Variants in FAM53B observed in about 807,000 individuals in gnomAD.
FAM53B encodes the protein family with sequence similarity 53 member B.
In FAM53B, 12 loss-of-function variants were observed where a neutral mutation model predicts 32.7. The observed-to-expected ratio is 0.37, with a 90% CI of 0.24 to 0.59. The LOEUF is 0.59. Ranked by LOEUF, FAM53B falls within the 20% of genes least tolerant of loss-of-function variation. The pLI is 0.72. For synonymous variants in FAM53B, 234 were observed against 228.7 expected, an observed-to-expected ratio of 1.02 and a Z score of -0.21; for missense variants, 477 against 577.7, an observed-to-expected ratio of 0.83 and a Z score of 1.79.
intron 1 of FAM53B, among the ~76,000 whole-genome samples, chr10:124,727,329 G>GT (rs1350727535): frequency 2.9e-4 from 5 of 17,534 alleles, no homozygotes; most frequent in African/African-American, 5.1e-4. Context: ...CTGAGTGATT[G>GT]TGGGGGGGGG....
At chr10:124,638,940 T>A (rs1469813601) in intron 4 of FAM53B, among the ~76,000 whole-genome samples, 1 of 152,214 alleles carries the variant, frequency 6.6e-6, no homozygotes, top group African/African-American at 2.4e-5. Context: ...TGTAGGGCCC[T>A]GGTGTTCCCT....
chr10:124,637,679 G>T (rs1481254924), intron 4 of FAM53B, among the ~76,000 whole-genome samples: 1 of 152,170 alleles, frequency 6.6e-6, no homozygotes, highest in African/African-American at 2.4e-5. Flanking sequence ...TCACTCCAGG[G>T]CTAAAGGCCC....
intron 4 of FAM53B, among the ~76,000 whole-genome samples, chr10:124,676,477 C>A (rs1259577737): frequency 1.3e-5 from 2 of 152,176 alleles, no homozygotes; most frequent in African/African-American, 4.8e-5. Flanking sequence ...AGGAACTTGG[C>A]CAAGGAAAGG....
intron 2 of FAM53B, among the ~76,000 whole-genome samples, chr10:124,699,559 C>T (rs911095200): frequency 6.6e-6 from 1 of 152,240 alleles, no homozygotes; most frequent in Non-Finnish European, 1.5e-5. Flanking sequence ...CATTTCCCCA[C>T]CCCGGGCAAG....
intron 4 of FAM53B, among the ~76,000 whole-genome samples, chr10:124,646,569 C>T (rs1285021391): frequency 1.3e-5 from 2 of 152,220 alleles, no homozygotes; most frequent in Non-Finnish European, 2.9e-5. Flanking sequence ...ATACATGAGA[C>T]GAGGTTCCCG....
At chr10:124,740,303 ATTAAGCATCAAAGAAG>A (rs1206509750) in intron 1 of FAM53B, among the ~76,000 whole-genome samples, 1 of 150,620 alleles carries the variant, frequency 6.6e-6, no homozygotes, top group Admixed American at 6.6e-5. Context: ...GGAGGTTTGG[ATTAAGCATCAAAGAAG>A]TTACCTTAAA....
At chr10:124,728,987 T>A (rs974469851) in intron 1 of FAM53B, among the ~76,000 whole-genome samples, 8 of 152,236 alleles carry the variant, frequency 5.3e-5, no homozygotes, top group African/African-American at 1.9e-4. Context: ...CTCAGGGACA[T>A]GGCTGAAGCT....
intron 4 of FAM53B, among the ~76,000 whole-genome samples, chr10:124,626,679 CCAAA>C (rs762039001): frequency 3.3e-5 from 5 of 152,052 alleles, no homozygotes; most frequent in African/African-American, 9.6e-5. Context: ...TCACAGCAGC[CCAAA>C]CAAAGTAAGA....
At chr10:124,631,049 A>T (rs1949387844) in intron 4 of FAM53B, among the ~76,000 whole-genome samples, 2 of 152,204 alleles carry the variant, frequency 1.3e-5, no homozygotes, top group Admixed American at 1.3e-4. Context: ...TGTGGCGGCC[A>T]GTCCAGGCCA....
chr10:124,672,642 C>T (rs1414240529), intron 4 of FAM53B, among the ~76,000 whole-genome samples: 2 of 152,214 alleles, frequency 1.3e-5, no homozygotes, highest in Non-Finnish European at 2.9e-5. Flanking sequence ...CCCTAAGCTG[C>T]CCCCAGCCCT....
chr10:124,639,820 A>G (rs1949459081), intron 4 of FAM53B, among the ~76,000 whole-genome samples: 1 of 150,514 alleles, frequency 6.6e-6, no homozygotes, highest in South Asian at 2.1e-4. Flanking sequence ...GCATGGGGGG[A>G]CCTCTCACCT....
At chr10:124,674,021 G>A (rs1039838916) in intron 4 of FAM53B, among the ~76,000 whole-genome samples, 1 of 152,226 alleles carries the variant, frequency 6.6e-6, no homozygotes, top group African/African-American at 2.4e-5. Context: ...TCCAACAGCA[G>A]CTGTGTTCCA....
At chr10:124,632,581 G>A (rs1227862539) in intron 4 of FAM53B, among the ~76,000 whole-genome samples, 1 of 152,260 alleles carries the variant, frequency 6.6e-6, no homozygotes, top group Non-Finnish European at 1.5e-5. Flanking sequence ...TTCGCATTCA[G>A]CTGCCTGGGG....
intron 2 of FAM53B, among the ~76,000 whole-genome samples, chr10:124,701,245 C>T (rs1463390361): frequency 6.6e-6 from 1 of 152,210 alleles, no homozygotes; most frequent in East Asian, 1.9e-4. Flanking sequence ...ACCCCAGTGC[C>T]CAGGCAACTG....
intron 4 of FAM53B, among the ~76,000 whole-genome samples, chr10:124,652,908 CCT>C (rs1184391088): frequency 2.6e-5 from 4 of 152,188 alleles, no homozygotes; most frequent in Non-Finnish European, 5.9e-5. Flanking sequence ...CAGACGACGC[CCT>C]GTGTTGGTGT....
rs1949290638 is a variant in FAM53B, at chr10:124,619,548, G to A, written c.*3694C>T. ...GTGCTATCTGTCGCCCCAGCCCCCA[G>A]GACAGCTTCCCCACACACTGAAAAC... On this transcript the variant is annotated 3_prime_UTR_variant, in exon 5 of 5. Transcript: ENST00000337318. 1 of 152,142 alleles carries A rather than the reference G, an allele frequency of 6.6e-6. No individual in the cohort carries two copies. The highest frequency in any genetic ancestry group is 2.4e-5 in the African/African-American group (1 of 41,308). 9.4% of individuals were successfully genotyped at this position (152,142 alleles called of 1,614,324 possible).
intron 1 of FAM53B, among the ~76,000 whole-genome samples, chr10:124,725,122 C>A (rs1012601535): frequency 6.6e-6 from 1 of 152,226 alleles, no homozygotes; most frequent in East Asian, 1.9e-4. Context: ...AAAGCCTGCC[C>A]GTCACCTCCC....
chr10:124,731,387 T>A (rs1255400700), intron 1 of FAM53B, among the ~76,000 whole-genome samples: 1 of 152,146 alleles, frequency 6.6e-6, no homozygotes, highest in Non-Finnish European at 1.5e-5. Flanking sequence ...TCAAAAGCCA[T>A]CAAGTGGCAG....
intron 1 of FAM53B, among the ~76,000 whole-genome samples, chr10:124,718,906 G>A (rs1950052054): frequency 6.6e-6 from 1 of 152,134 alleles, no homozygotes; most frequent in South Asian, 2.1e-4. Context: ...AAAATAGCCA[G>A]GTATGGTGGC....
Sources: allele counts gnomAD v4.1 joint callset (sites outside exome capture counted in the v4.1 genomes callset), GRCh38; gene constraint gnomAD v4.1.1; transcripts MANE v1.5; gene names NCBI Gene and HGNC (gene_info 2026-07-23, HGNC 2026-07-21).